Variants in FSTL5 observed in about 807,000 individuals in gnomAD.
FSTL5 encodes follistatin like 5.
Under a neutral mutation model 89.1 loss-of-function variants are expected in FSTL5, and 62 were observed. That is an observed-to-expected ratio of 0.70 (90% confidence interval 0.57 to 0.86). The LOEUF (loss-of-function observed/expected upper bound fraction) is 0.86, where lower values mean the gene tolerates loss of function less well. Among genes scored for constraint, FSTL5 ranks in the 40% least tolerant of loss-of-function variants. The probability of loss-of-function intolerance (pLI) is 0.00; values close to 1 mark genes in which losing one functional copy is unlikely to be tolerated. For synonymous variants in FSTL5, 383 were observed against 346.2 expected (o/e 1.11, Z -1.18); for missense variants, 1,057 against 1,001.6 (o/e 1.06, Z -0.75).
At chr4:161,770,213 T>C (rs1373720699) in intron 5 of FSTL5, among the ~76,000 whole-genome samples, 2 of 151,922 alleles carry the variant, frequency 1.3e-5, no homozygotes, top group African/African-American at 4.8e-5. Flanking sequence ...TACCACAGGT[T>C]GGGAAGGATA....
chr4:161,502,165 G>A (rs1730314776), intron 11 of FSTL5, among the ~76,000 whole-genome samples: 1 of 151,906 alleles, frequency 6.6e-6, no homozygotes, highest in Middle Eastern at 3.2e-3. Flanking sequence ...CATGTTTCTT[G>A]AAATATTTCC....
At chr4:162,024,648 T>C (rs1737212954) in intron 3 of FSTL5, among the ~76,000 whole-genome samples, 1 of 152,010 alleles carries the variant, frequency 6.6e-6, no homozygotes, top group African/African-American at 2.4e-5. Context: ...TCAGATAAAT[T>C]CCTTTATTTA....
At chr4:161,996,009 T>C (rs1292654177) in intron 3 of FSTL5, among the ~76,000 whole-genome samples, 2 of 152,114 alleles carry the variant, frequency 1.3e-5, no homozygotes, top group African/African-American at 4.8e-5. Context: ...AAAAGAACAC[T>C]GGAGTTAATG....
At chr4:161,621,881 C>T (rs1735141744) in intron 7 of FSTL5, among the ~76,000 whole-genome samples, 1 of 151,116 alleles carries the variant, frequency 6.6e-6, no homozygotes, top group African/African-American at 2.4e-5. Context: ...GTCAATATTC[C>T]CAGGTACTCG....
rs1355924686 is a variant in FSTL5, at chr4:161,996,927, T to C, written c.160+36698A>G. Among the ~76,000 whole-genome samples the C allele has an allele frequency of 2.0e-5, 3 of 152,222 alleles. No homozygotes were observed. In the South Asian group the frequency reaches 6.2e-4, roughly 32 times the overall value. ...ATGACAGGGAAATCTTTTTTTATAGTTGAAAATTTGTACTGCATTTTAGTG... is the reference window on the plus strand; with the variant it reads ...ATGACAGGGAAATCTTTTTTTATAGCTGAAAATTTGTACTGCATTTTAGTG... On this transcript the variant is annotated intron_variant, in intron 3 of 15. Transcript: ENST00000306100.
intron 1 of FSTL5, among the ~76,000 whole-genome samples, chr4:162,153,804 T>G (rs1733361044): frequency 7.2e-6 from 1 of 139,832 alleles, no homozygotes; most frequent in Non-Finnish European, 1.5e-5. Flanking sequence ...TATGTATATA[T>G]ATATATTTAT....
At chr4:162,136,093 A>G (rs1246341007) in intron 1 of FSTL5, among the ~76,000 whole-genome samples, 2 of 151,978 alleles carry the variant, frequency 1.3e-5, no homozygotes, top group Non-Finnish European at 2.9e-5. Context: ...ACTGTGATAC[A>G]CCCATATCTC....
At chr4:161,621,448 A>C (rs941242411) in intron 7 of FSTL5, among the ~76,000 whole-genome samples, 1 of 152,172 alleles carries the variant, frequency 6.6e-6, no homozygotes, top group Non-Finnish European at 1.5e-5. Context: ...GGTTGCAGGA[A>C]AGCAAGAGAA....
chr4:161,835,778 G>C (rs1439492563), intron 4 of FSTL5, among the ~76,000 whole-genome samples: 2 of 152,102 alleles, frequency 1.3e-5, no homozygotes, highest in Non-Finnish European at 2.9e-5. Context: ...CAGTTAGAAT[G>C]GCAATCATTA....
At chr4:161,500,653 C>A (rs1730262974) in intron 11 of FSTL5, among the ~76,000 whole-genome samples, 1 of 152,094 alleles carries the variant, frequency 6.6e-6, no homozygotes, top group Non-Finnish European at 1.5e-5. Context: ...CAAAATAATT[C>A]TAAATAGAGG....
At chr4:161,648,739 T>C (rs1428677759) in intron 7 of FSTL5, among the ~76,000 whole-genome samples, 1 of 152,030 alleles carries the variant, frequency 6.6e-6, no homozygotes, top group African/African-American at 2.4e-5. Flanking sequence ...ACACATACAA[T>C]CTATGCACTG....
chr4:161,960,707 A>T (rs967436951), intron 3 of FSTL5, among the ~76,000 whole-genome samples: 1 of 152,054 alleles, frequency 6.6e-6, no homozygotes, highest in Admixed American at 6.6e-5. Flanking sequence ...TACTTATGTC[A>T]ATACTTACTA....
At chr4:162,015,346 C>T (rs1433455336) in intron 3 of FSTL5, among the ~76,000 whole-genome samples, 1 of 152,148 alleles carries the variant, frequency 6.6e-6, no homozygotes, top group Non-Finnish European at 1.5e-5. Flanking sequence ...TGGTTTGATT[C>T]CTGACTGTAT....
chr4:161,698,373 T>C (rs893251393), intron 6 of FSTL5, among the ~76,000 whole-genome samples: 1 of 151,888 alleles, frequency 6.6e-6, no homozygotes, highest in Non-Finnish European at 1.5e-5. Flanking sequence ...GGCTGGCAGG[T>C]GGGTTGGGGA....
chr4:161,591,175 G>A (rs1733807404), intron 7 of FSTL5, among the ~76,000 whole-genome samples: 1 of 152,104 alleles, frequency 6.6e-6, no homozygotes, highest in Non-Finnish European at 1.5e-5. Flanking sequence ...CATGAATCTT[G>A]AAATTAATAT....
In FSTL5 at chr4:161,822,055, T is replaced by C. The variant is rs563514684; in HGVS notation, c.410-45981A>G. Among the ~76,000 whole-genome samples, 729 of 152,322 alleles carry C rather than the reference T, an allele frequency of 4.8e-3. 13 individuals carry two copies. The highest frequency in any genetic ancestry group is 0.017 in the African/African-American group (705 of 41,574). The stretch of plus-strand genomic sequence containing the variant: ...TACTAGTTTACATTCCCACCAGCAA[T>C]GTAAAAGTGTTCCTTTTTCACCAGA... On this transcript the variant is annotated intron_variant, in intron 4 of 15. Transcript: ENST00000306100.
In FSTL5 at chr4:161,919,464, C is replaced by T. The variant is rs191416532; in HGVS notation, c.409+940G>A. Among the ~76,000 whole-genome samples, 5 of 152,194 alleles carry T rather than the reference C, an allele frequency of 3.3e-5. No individual in the cohort carries two copies. The East Asian group carries it at 9.7e-4, about 29-fold the overall frequency. ...TGAAAAAGGATAATTTTTAATTATTCAATTTACCTTAATAGGTGGATGAGT... is the reference window on the plus strand; with the variant it reads ...TGAAAAAGGATAATTTTTAATTATTTAATTTACCTTAATAGGTGGATGAGT... On this transcript the variant is annotated intron_variant, in intron 4 of 15. Coordinates refer to ENST00000306100, the MANE Select transcript of FSTL5 (RefSeq NM_020116.5).
intron 6 of FSTL5, among the ~76,000 whole-genome samples, chr4:161,695,351 T>C (rs1282789291): frequency 6.6e-6 from 1 of 152,026 alleles, no homozygotes; most frequent in East Asian, 1.9e-4. Context: ...AATAATAGTC[T>C]CCAATCTCAT....
At chr4:161,673,393 C>A (rs1456140858) in intron 6 of FSTL5, among the ~76,000 whole-genome samples, 1 of 151,828 alleles carries the variant, frequency 6.6e-6, no homozygotes, top group African/African-American at 2.4e-5. Flanking sequence ...GGTAATATAT[C>A]CTGCTCATTT....
Sources: allele counts gnomAD v4.1 joint callset (sites outside exome capture counted in the v4.1 genomes callset), GRCh38; gene constraint gnomAD v4.1.1; transcripts MANE v1.5; gene names NCBI Gene and HGNC (gene_info 2026-07-23, HGNC 2026-07-21).